The following IK variants were observed in gnomAD, a reference collection of about 807,000 sequenced individuals.
The protein encoded by IK is IK cytokine, also known as protein Red.
IK carries 47 observed loss-of-function variants against 90.9 expected under a neutral mutation model. The observed-to-expected ratio is 0.52, with a 90% CI of 0.41 to 0.66. The LOEUF (loss-of-function observed/expected upper bound fraction) is 0.66. Ranked by LOEUF, IK falls within the 30% of genes least tolerant of loss-of-function variation. The pLI, the probability that IK is intolerant of heterozygous loss-of-function variation, is 0.00. For synonymous variants in IK, 201 were observed against 227.5 expected, an observed-to-expected ratio of 0.88 and a Z score of 1.05; for missense variants, 385 against 709.3, an observed-to-expected ratio of 0.54 and a Z score of 5.19.
At chr5:140,653,522 A>T (rs1375777264) in intron 5 of IK, among the ~76,000 whole-genome samples, 1 of 148,876 alleles carries the variant, frequency 6.7e-6, no homozygotes, top group African/African-American at 2.5e-5. Flanking sequence ...TGACCTCATG[A>T]TCCACCCGCC....
At chr5:140,648,440 T>A (rs1182363285) in intron 1 of IK, 31 bp from the exon 2 acceptor site, 1 of 1,608,686 alleles carries the variant, frequency 6.2e-7, no homozygotes, top group African/African-American at 1.3e-5. Context: ...CGTAAGAGAC[T>A]GATTAAATTA....
intron 15 of IK, 146 bp downstream of exon 15, chr5:140,660,341 A>G (rs1395832949): frequency 1.3e-5 from 7 of 551,550 alleles, no homozygotes; most frequent in Non-Finnish European, 2.2e-5. Context: ...TCTGTCACCC[A>G]GGCTGGAATG....
At chr5:140,654,759 A>G in intron 8 of IK, 32 bp downstream of exon 8, 3 of 1,377,212 alleles carry the variant, frequency 2.2e-6, no homozygotes, top group Non-Finnish European at 3.1e-6. Context: ...GTGACTATGC[A>G]TTCTGGATGA....
chr5:140,653,229 GC>G, intron 5 of IK, 85 bp downstream of exon 5: 1 of 1,200,450 alleles, frequency 8.3e-7, no homozygotes, highest in Non-Finnish European at 1.2e-6. Context: ...TTACTTTCCT[GC>G]CCTGGAGCCT....
intron 15 of IK, 156 bp from the exon 16 acceptor site, chr5:140,660,602 G>A (rs1167375778): frequency 3.3e-6 from 2 of 605,138 alleles, no homozygotes; most frequent in African/African-American, 1.9e-5. Context: ...CTGGCCCAAG[G>A]CTACTTCTTA....
At position 140,648,030 on chromosome 5, in the gene IK, GTGTGTGTGTGTGTGTATGTA is replaced by G. The variant is rs1350526133; in HGVS notation, c.16+110_16+129del. 313 of 1,052,470 alleles carry G rather than the reference GTGTGTGTGTGTGTGTATGTA, an allele frequency of 3.0e-4. No individual in the cohort carries two copies. In the East Asian group the frequency reaches 5.5e-3, roughly 19 times the overall value. The allele number at this position is 1,052,470 out of a possible 1,614,324, so 65.2% of individuals were successfully genotyped here. On this transcript the variant is annotated intron_variant, in intron 1 of 19. Transcript: ENST00000417647. Reference sequence around the variant, plus strand: ...CGGGTGTGTGTGTGTGTGTGTGTGTGTGTGTGTGTGTGTGTATGTATGTATGTGTGACGCTTGAGCCCGGA... The same window carrying G: ...CGGGTGTGTGTGTGTGTGTGTGTGTGTGTATGTGTGACGCTTGAGCCCGGA...
rs778621750 is a variant in IK at position 140,655,836 on chromosome 5, T to C, written c.645T>C (p.Asn215=). Residue 215 remains asparagine (N), a synonymous_variant, in exon 9 of 20, where the codon AAT becomes AAC. Transcript: ENST00000417647. The stretch of plus-strand genomic sequence containing the variant: ...CTCTTCTCCTTATTGTAGGCCGCAA[T>C]GTTTACCGAATGCTTTTTAAGAGCA... The part of the protein sequence containing the change: ...KIEFKTRLGR[N]VYRMLFKSKA... 5 of 1,610,724 alleles carry C rather than the reference T, an allele frequency of 3.1e-6. No individual in the cohort carries two copies. In the Admixed American group the frequency reaches 8.4e-5, roughly 27 times the overall value.
At chr5:140,651,662 T>C (rs1757618472) in intron 2 of IK, 52 bp from the exon 3 acceptor site, 1 of 901,158 alleles carries the variant, frequency 1.1e-6, no homozygotes, top group Non-Finnish European at 1.8e-6. Flanking sequence ...ACTTGTTCCT[T>C]TTTCATTTCT....
intron 9 of IK, among the ~76,000 whole-genome samples, chr5:140,656,254 G>A (rs1040562213): frequency 3.9e-5 from 6 of 152,206 alleles, no homozygotes; most frequent in Admixed American, 3.9e-4. Flanking sequence ...GTGCAGTGGT[G>A]CTATCTTGGC....
In IK at chr5:140,647,995, G is replaced by C. The variant is rs1022031364; in HGVS notation, c.16+71G>C. ...CACTTGGCGCATTATTGTAGCTTCT[G>C]AGCTTAAGCCGGGTGTGTGTGTGTG... is the stretch of plus-strand genomic sequence containing the variant. On this transcript the variant is annotated intron_variant, in intron 1 of 19. Transcript: ENST00000417647. 4.1e-6 allele frequency: 6 copies of C among 1,465,468 alleles called. No homozygotes were observed. The South Asian group carries it at 6.9e-5, about 17-fold the overall frequency. 90.8% of individuals were successfully genotyped at this position (1,465,468 alleles called of 1,614,324 possible). A position where few individuals can be genotyped will look rare whatever the true frequency, so the allele number is the denominator to read the frequency against.
rs773642480 is a variant in IK at position 140,660,234 on chromosome 5, T to C, written c.1355+39T>C. 8 of 1,439,944 alleles carry C rather than the reference T, an allele frequency of 5.6e-6. No homozygotes were observed. In the East Asian group the frequency reaches 6.9e-5, roughly 12 times the overall value. The allele number at this position is 1,439,944 out of a possible 1,614,324, so 89.2% of individuals were successfully genotyped here. ...GGTTAAGGAAGGGAGGCTGGGATGA[T>C]TGGGAAACAAGTTGGGGGTGAAATG... On this transcript the variant is annotated intron_variant, in intron 15 of 19. Coordinates refer to ENST00000417647, the MANE Select transcript of IK (RefSeq NM_006083.4).
intron 6 of IK, 41 bp from the exon 7 acceptor site, chr5:140,654,475 A>G (rs1485997394): frequency 1.4e-6 from 2 of 1,473,834 alleles, no homozygotes; most frequent in Non-Finnish European, 1.9e-6. Context: ...TTCAATAAAT[A>G]TATAAAATGA....
chr5:140,659,885 C>A, intron 14 of IK, 51 bp downstream of exon 14: 1 of 1,309,304 alleles, frequency 7.6e-7, no homozygotes, highest in Non-Finnish European at 1.1e-6. Context: ...GGTCTCTTTA[C>A]TCCAACCCCC....
rs1211510736 is a variant in IK at position 140,647,851 on chromosome 5, G to A, written c.-58G>A. The A allele has an allele frequency of 1.2e-6, 2 of 1,605,746 alleles. No individual in the cohort carries two copies. The highest frequency in any genetic ancestry group is 2.2e-5 in the South Asian group (2 of 90,924). ...GGTGCACTGTGGGAAAGAGCTTGTCGCTGCGGTGTTGCTGTTGGAGACTCG... is the reference window on the plus strand; with the variant it reads ...GGTGCACTGTGGGAAAGAGCTTGTCACTGCGGTGTTGCTGTTGGAGACTCG... On this transcript the variant is annotated 5_prime_UTR_variant, in exon 1 of 20. Coordinates refer to ENST00000417647, the MANE Select transcript of IK (RefSeq NM_006083.4).
In IK at chr5:140,662,219, C is replaced by T. The variant is rs200919230; in HGVS notation, c.1646+6C>T. On this transcript the variant is annotated splice_donor_region_variant and intron_variant, in intron 19 of 19. Coordinates refer to ENST00000417647, the MANE Select transcript of IK (RefSeq NM_006083.4). ...AAGAAGATGGAAGCTGATGGGTGAG[C>T]GGCATTATTCTTCCTCTGTGGGACT... The T allele has an allele frequency of 4.0e-3, 6,388 of 1,613,884 alleles. 262 individuals are homozygous for T. The South Asian group carries it at 0.066, about 17-fold the overall frequency.
intron 15 of IK, 121 bp from the exon 16 acceptor site, chr5:140,660,637 T>A: frequency 1.4e-6 from 1 of 706,176 alleles, no homozygotes; most frequent in East Asian, 2.6e-5. Context: ...TTTATTAGGC[T>A]CTAAGTGGGA....
chr5:140,649,710 A>G (rs768355647), intron 2 of IK, among the ~76,000 whole-genome samples: 10 of 147,126 alleles, frequency 6.8e-5, no homozygotes, highest in African/African-American at 2.3e-4. Flanking sequence ...TAATTTTTGT[A>G]TTAGTAGAGA....
rs1199582484 is a variant in IK at position 140,662,023 on chromosome 5, C to T, written c.1611+16C>T. 6.3e-7 allele frequency: 1 copy of T among 1,589,690 alleles called. No individual in the cohort carries two copies. Among genetic ancestry groups the T allele is most frequent in the South Asian group, 1.1e-5 (1 of 88,556 alleles). On this transcript the variant is annotated intron_variant, in intron 18 of 19. Transcript: ENST00000417647. ...GATTAGTGCAGTAAGTAGGATGGCC[C>T]CTTGGGTGGGAGGGTTTCAGCTGGG...
At chr5:140,656,048 C>T (rs1581483273) in intron 9 of IK, 56 bp downstream of exon 9, 1 of 1,515,522 alleles carries the variant, frequency 6.6e-7, no homozygotes, top group East Asian at 2.5e-5. Flanking sequence ...TGGGAATCAG[C>T]CTGGCCTCTG....
Sources: gnomAD v4.1 joint callset for allele counts (sites outside exome capture counted in the v4.1 genomes callset) on GRCh38, gnomAD v4.1.1 for gene constraint, MANE v1.5 for transcripts, NCBI Gene and HGNC (gene_info 2026-07-23, HGNC 2026-07-21) for gene names.